The following BNC2 variants were observed in gnomAD, a reference collection of about 807,000 sequenced individuals.
BNC2 encodes zinc finger protein basonuclin-2.
BNC2 carries 20 observed loss-of-function variants against 76.3 expected under a neutral mutation model. The observed-to-expected ratio is 0.26, with a 90% CI of 0.18 to 0.38. The LOEUF (loss-of-function observed/expected upper bound fraction) is 0.38. Among genes scored for constraint, BNC2 ranks in the 10% least tolerant of loss-of-function variants. BNC2 has a pLI of 1.00. For missense variants in BNC2, 1,382 were observed against 1,399.8 expected (o/e 0.99, Z 0.20); for synonymous variants, 582 against 514.8 (o/e 1.13, Z -1.77).
rs1820534637 is a variant in BNC2 at position 16,414,156 on chromosome 9, C to G, written c.*4833G>C. ...ATGCAGCTGTACTTGCTTTCCTAAC[C>G]CCTTCCTCAGAGCCGACTCACCTGG... On this transcript the variant is annotated 3_prime_UTR_variant, in exon 7 of 7. Transcript: ENST00000380672. 1 of 152,210 alleles carries G rather than the reference C, an allele frequency of 6.6e-6. No individual in the cohort carries two copies. The highest frequency in any genetic ancestry group is 2.1e-4 in the South Asian group (1 of 4,820). The allele number at this position is 152,210 out of a possible 1,614,324, so 9.4% of individuals were successfully genotyped here.
intron 5 of BNC2, among the ~76,000 whole-genome samples, chr9:16,458,956 G>A (rs1390982259): frequency 6.6e-6 from 1 of 152,128 alleles, no homozygotes; most frequent in African/African-American, 2.4e-5. Flanking sequence ...TTTAATAAGA[G>A]CACCCCTGTT....
At chr9:16,553,622 A>G (rs993980169) in intron 4 of BNC2, among the ~76,000 whole-genome samples, 2 of 152,218 alleles carry the variant, frequency 1.3e-5, no homozygotes, top group Non-Finnish European at 2.9e-5. Context: ...CTCAGTAGAA[A>G]AAGCTGAGGA....
intron 5 of BNC2, among the ~76,000 whole-genome samples, chr9:16,464,758 T>C (rs1449640756): frequency 6.6e-6 from 1 of 152,160 alleles, no homozygotes; most frequent in African/African-American, 2.4e-5. Flanking sequence ...AACTATATCA[T>C]TATATGATGT....
intron 5 of BNC2, among the ~76,000 whole-genome samples, chr9:16,487,861 A>C (rs767550432): frequency 5.9e-5 from 9 of 152,212 alleles, no homozygotes; most frequent in Non-Finnish European, 1.2e-4. Flanking sequence ...TTCCTAATGC[A>C]GGATCAGTAA....
intron 2 of BNC2, among the ~76,000 whole-genome samples, chr9:16,736,532 G>A (rs998055383): frequency 6.7e-6 from 1 of 149,546 alleles, no homozygotes; most frequent in African/African-American, 2.5e-5. Flanking sequence ...CTGGAGTGCA[G>A]TGGTGCAATC....
chr9:16,840,780 C>A (rs907946046), intron 1 of BNC2, among the ~76,000 whole-genome samples: 4 of 152,188 alleles, frequency 2.6e-5, no homozygotes, highest in African/African-American at 9.6e-5. Context: ...TTCAGCAGTT[C>A]TAATGTCAAA....
chr9:16,837,882 C>G (rs1170207527), intron 1 of BNC2, among the ~76,000 whole-genome samples: 1 of 151,884 alleles, frequency 6.6e-6, no homozygotes, highest in Non-Finnish European at 1.5e-5. Context: ...GAGCCGAGAT[C>G]ATACCATTGC....
intron 3 of BNC2, among the ~76,000 whole-genome samples, chr9:16,637,983 A>T (rs1439222864): frequency 6.6e-6 from 1 of 152,250 alleles, no homozygotes; most frequent in Non-Finnish European, 1.5e-5. Context: ...GGTGTGGCTG[A>T]TAACAAAATC....
chr9:16,850,717 A>T (rs1383519769), intron 1 of BNC2, among the ~76,000 whole-genome samples: 1 of 152,174 alleles, frequency 6.6e-6, no homozygotes, highest in Non-Finnish European at 1.5e-5. Context: ...GGGATCGCTT[A>T]AGTCCAAGAG....
At chr9:16,676,766 C>T (rs1305773621) in intron 3 of BNC2, among the ~76,000 whole-genome samples, 1 of 152,170 alleles carries the variant, frequency 6.6e-6, no homozygotes, top group African/African-American at 2.4e-5. Flanking sequence ...GCATCCAGTT[C>T]ACACCACACC....
intron 4 of BNC2, among the ~76,000 whole-genome samples, chr9:16,560,709 A>T (rs899899847): frequency 6.6e-6 from 1 of 152,248 alleles, no homozygotes; most frequent in African/African-American, 2.4e-5. Flanking sequence ...CGTGGATGAC[A>T]GAATGAGACC....
chr9:16,753,033 T>A (rs1328415536), intron 1 of BNC2, among the ~76,000 whole-genome samples: 1 of 152,180 alleles, frequency 6.6e-6, no homozygotes, highest in African/African-American at 2.4e-5. Context: ...AGGTCAAATA[T>A]AACATGACAC....
At position 16,488,081 on chromosome 9, in the gene BNC2, C is replaced by A. The variant is rs183512962; in HGVS notation, c.670-50557G>T. ...CTTTGTACTACTAAGCTACATATTC[C>A]CCATAGCATGCAAAAAGGCACCGTT... On this transcript the variant is annotated intron_variant, in intron 5 of 6. Transcript: ENST00000380672. 4.2e-3 allele frequency among the ~76,000 whole-genome samples: 633 copies of A among 152,222 alleles called. 4 individuals carry two copies. Among genetic ancestry groups the A allele is most frequent in the Non-Finnish European group, 6.8e-3 (460 of 68,022 alleles).
intron 1 of BNC2, among the ~76,000 whole-genome samples, chr9:16,787,593 G>A (rs1057507440): frequency 6.6e-6 from 1 of 152,204 alleles, no homozygotes; most frequent in African/African-American, 2.4e-5. Flanking sequence ...AGTTACGGTA[G>A]TGGGCTTATT....
chr9:16,594,667 A>G (rs763016503), intron 3 of BNC2, among the ~76,000 whole-genome samples: 9 of 152,186 alleles, frequency 5.9e-5, no homozygotes, highest in Non-Finnish European at 1.2e-4. Flanking sequence ...GTACAGTGCT[A>G]TGAAGCTTGC....
At chr9:16,847,171 A>G (rs1716882644) in intron 1 of BNC2, among the ~76,000 whole-genome samples, 1 of 152,138 alleles carries the variant, frequency 6.6e-6, no homozygotes. Context: ...TATAAGAGAT[A>G]TAATTAGTTA....
At chr9:16,789,885 TG>T (rs1430435202) in intron 1 of BNC2, among the ~76,000 whole-genome samples, 1 of 152,360 alleles carries the variant, frequency 6.6e-6, no homozygotes, top group Admixed American at 6.5e-5. Flanking sequence ...CTGTCCACTT[TG>T]TTGGTATACC....
intron 5 of BNC2, among the ~76,000 whole-genome samples, chr9:16,472,520 G>T (rs1295150886): frequency 6.6e-6 from 1 of 152,166 alleles, no homozygotes; most frequent in East Asian, 1.9e-4. Context: ...TTCAGAAGAG[G>T]TCACATGGCT....
At chr9:16,448,530 T>C (rs1018934238) in intron 5 of BNC2, among the ~76,000 whole-genome samples, 3 of 152,158 alleles carry the variant, frequency 2.0e-5, no homozygotes, top group Non-Finnish European at 4.4e-5. Context: ...TGAATTACTT[T>C]ACAAATGAAG....
Sources: allele counts gnomAD v4.1 joint callset (sites outside exome capture counted in the v4.1 genomes callset), GRCh38; gene constraint gnomAD v4.1.1; transcripts MANE v1.5; gene names NCBI Gene and HGNC (gene_info 2026-07-23, HGNC 2026-07-21).